Variants in MUSK observed in about 807,000 individuals in gnomAD.
MUSK encodes the protein muscle, skeletal receptor tyrosine-protein kinase.
MUSK carries 55 observed loss-of-function variants against 88.7 expected under a neutral mutation model. That is an observed-to-expected ratio of 0.62 (90% confidence interval 0.50 to 0.78). MUSK has a LOEUF of 0.78. Among genes scored for constraint, MUSK ranks in the 30% least tolerant of loss-of-function variants. The pLI is 0.00. For missense variants in MUSK, 1,015 were observed against 1,074.3 expected (o/e 0.94, Z 0.77); for synonymous variants, 387 against 391.9 (o/e 0.99, Z 0.15).
At chr9:110,710,215 A>G (rs189884691) in intron 5 of MUSK, among the ~76,000 whole-genome samples, 91 of 152,290 alleles carry the variant, frequency 6.0e-4, no homozygotes, top group African/African-American at 2.1e-3. Flanking sequence ...CACATGCTTT[A>G]GTATCAGACA....
intron 14 of MUSK, among the ~76,000 whole-genome samples, chr9:110,798,656 G>A (rs1233023623): frequency 6.6e-6 from 1 of 152,110 alleles, no homozygotes; most frequent in African/African-American, 2.4e-5. Context: ...TGAGCCATGT[G>A]TAGTATTAGA....
chr9:110,780,600 G>A (rs1281365391), intron 11 of MUSK, among the ~76,000 whole-genome samples: 2 of 152,180 alleles, frequency 1.3e-5, no homozygotes, highest in Non-Finnish European at 2.9e-5. Context: ...TTTTATTTGG[G>A]TAGTTGAAAA....
intron 4 of MUSK, among the ~76,000 whole-genome samples, chr9:110,696,316 A>C (rs1165711054): frequency 6.6e-6 from 1 of 152,070 alleles, no homozygotes; most frequent in South Asian, 2.1e-4. Context: ...CTTATTTTGT[A>C]CTGCCTCTGT....
chr9:110,772,157 A>G (rs10980565), intron 9 of MUSK, among the ~76,000 whole-genome samples: 14,660 of 150,730 alleles, frequency 0.097, 2,099 homozygotes, highest in African/African-American at 0.31. Flanking sequence ...TTCTTAATTG[A>G]AATTTCAGAA....
At chr9:110,769,405 T>C (rs768341417) in intron 9 of MUSK, among the ~76,000 whole-genome samples, 1 of 152,014 alleles carries the variant, frequency 6.6e-6, no homozygotes, top group African/African-American at 2.4e-5. Context: ...TGATCAGGCA[T>C]GTTATCTAAA....
intron 14 of MUSK, among the ~76,000 whole-genome samples, chr9:110,791,198 A>G (rs1365786837): frequency 6.7e-6 from 1 of 149,670 alleles, no homozygotes; most frequent in African/African-American, 2.5e-5. Flanking sequence ...CATCTGAGGT[A>G]CCGGGTTCAT....
intron 6 of MUSK, among the ~76,000 whole-genome samples, chr9:110,745,235 C>T (rs2077159548): frequency 6.6e-6 from 1 of 152,258 alleles, no homozygotes; most frequent in South Asian, 2.1e-4. Context: ...AAAATTGCTT[C>T]TCTTTCCTAC....
intron 3 of MUSK, among the ~76,000 whole-genome samples, chr9:110,689,363 CAT>C (rs2076253437): frequency 9.1e-6 from 1 of 109,818 alleles, no homozygotes; most frequent in Non-Finnish European, 1.7e-5. Flanking sequence ...TATATAAATA[CAT>C]ATTTATATAT....
chr9:110,784,974 T>C lies in MUSK; in HGVS notation c.1544T>C (p.Leu515Pro). 6.2e-7 allele frequency: 1 copy of C among 1,613,818 alleles called. No individual in the cohort carries two copies. The highest frequency in any genetic ancestry group is 8.5e-7 in the Non-Finnish European group (1 of 1,179,834). ...AIFVLLTITT[L>P]YCCRRRKQWK... ...TTTGTGCTTCTTACCATAACTACTC[T>C]CTATTGCTGCCGAAGAAGAAAACAA... Residue 515 changes from leucine to proline, a missense_variant, in exon 12 of 15, where the codon CTC becomes CCC. By Grantham distance (98) the Leu-to-Pro change is moderately conservative (BLOSUM62 -3). Coordinates refer to ENST00000374448, the MANE Select transcript of MUSK (RefSeq NM_005592.4).
chr9:110,686,140 T>G (rs918339298), intron 2 of MUSK, among the ~76,000 whole-genome samples: 2 of 152,076 alleles, frequency 1.3e-5, no homozygotes, highest in African/African-American at 4.8e-5. Context: ...AGAATCTGAT[T>G]TCTTGCCTTT....
Position 110,744,031 on chromosome 9 carries a change from G to A in MUSK, c.754-3610G>A, listed in dbSNP as rs373425840. ...TCATGAGGCTGGAGTGCAGTGGCGC[G>A]ATCTCAGCTCACTGCAACCTCCACC... On this transcript the variant is annotated intron_variant, in intron 6 of 14. Transcript: ENST00000374448. Among the ~76,000 whole-genome samples the A allele has an allele frequency of 2.0e-5, 3 of 151,212 alleles. No homozygotes were observed. In the South Asian group the frequency reaches 6.3e-4, roughly 32 times the overall value.
intron 11 of MUSK, among the ~76,000 whole-genome samples, chr9:110,779,257 C>T (rs1022084192): frequency 6.6e-6 from 1 of 152,100 alleles, no homozygotes; most frequent in Non-Finnish European, 1.5e-5. Context: ...CTGACAGAAA[C>T]ATTCCATTTT....
chr9:110,802,683 ATCCTCT>A lies in MUSK; in HGVS notation c.*1699_*1704del, dbSNP rs1162356866. 6.6e-6 allele frequency among the ~76,000 whole-genome samples: 1 copy of A among 152,138 alleles called. No homozygotes were observed. On this transcript the variant is annotated 3_prime_UTR_variant, in exon 15 of 15. Transcript: ENST00000374448. ...TACTTCCTAAAATCCTCCTGCTGACATCCTCTTCCCTTCAACCCAAGAGCCAATGAC... is the reference window on the plus strand; with the variant it reads ...TACTTCCTAAAATCCTCCTGCTGACATCCCTTCAACCCAAGAGCCAATGAC...
chr9:110,800,274 T>G (rs2078070879), intron 14 of MUSK, 32 bp from the exon 15 acceptor site: 10 of 1,521,334 alleles, frequency 6.6e-6, no homozygotes, highest in African/African-American at 1.4e-5. Flanking sequence ...TTGTAGAAAC[T>G]GAGACTAACA....
chr9:110,679,551 A>G (rs548723253), intron 1 of MUSK, among the ~76,000 whole-genome samples: 16 of 152,150 alleles, frequency 1.1e-4, no homozygotes, highest in African/African-American at 3.4e-4. Flanking sequence ...GATTTCTGGT[A>G]TATTTGGACT....
At chr9:110,799,996 T>A (rs774169243) in intron 14 of MUSK, among the ~76,000 whole-genome samples, 4 of 152,160 alleles carry the variant, frequency 2.6e-5, no homozygotes, top group Admixed American at 1.3e-4. Flanking sequence ...CATGTACTTA[T>A]ATGCACCATG....
At chr9:110,761,164 T>TG (rs1234618263) in intron 7 of MUSK, among the ~76,000 whole-genome samples, 1 of 152,220 alleles carries the variant, frequency 6.6e-6, no homozygotes, top group Non-Finnish European at 1.5e-5. Flanking sequence ...ATCACACCCT[T>TG]GCCGGGATTC....
intron 12 of MUSK, 145 bp from the exon 13 acceptor site, chr9:110,785,382 G>A: frequency 2.8e-6 from 2 of 710,092 alleles, no homozygotes; most frequent in South Asian, 2.9e-5. Flanking sequence ...ATATTTTATT[G>A]CTCTCAAAAC....
chr9:110,729,092 T>C (rs1381898886), intron 5 of MUSK, among the ~76,000 whole-genome samples: 1 of 151,648 alleles, frequency 6.6e-6, no homozygotes, highest in African/African-American at 2.4e-5. Context: ...TTACAGTCTT[T>C]GGATAAATGT....
Sources: gnomAD v4.1 joint callset for allele counts (sites outside exome capture counted in the v4.1 genomes callset) on GRCh38, gnomAD v4.1.1 for gene constraint, MANE v1.5 for transcripts, NCBI Gene and HGNC (gene_info 2026-07-23, HGNC 2026-07-21) for gene names.